The following KIF26B variants were observed in gnomAD, a reference collection of about 807,000 sequenced individuals.
KIF26B encodes the protein kinesin family member 26B, also known as kinesin-like protein KIF26B.
In KIF26B, 63 loss-of-function variants were observed where a neutral mutation model predicts 151.2. The ratio of observed to expected loss-of-function variants is 0.42; its 90% confidence interval spans 0.34 to 0.51. The LOEUF is 0.51. KIF26B is among the 20% of genes least tolerant of loss of function. KIF26B has a pLI of 0.07. For missense variants in KIF26B, 2,813 were observed against 2,913.6 expected, an observed-to-expected ratio of 0.97 and a Z score of 0.79; for synonymous variants, 1,357 against 1,262.1, an observed-to-expected ratio of 1.08 and a Z score of -1.59.
At chr1:245,643,968 T>C (rs940341788) in intron 9 of KIF26B, among the ~76,000 whole-genome samples, 10 of 152,188 alleles carry the variant, frequency 6.6e-5, no homozygotes, top group African/African-American at 2.4e-4. Flanking sequence ...TGATGTGCCT[T>C]GATATAGTTT....
At chr1:245,628,494 C>T (rs894275174) in intron 9 of KIF26B, among the ~76,000 whole-genome samples, 1 of 152,196 alleles carries the variant, frequency 6.6e-6, no homozygotes, top group Non-Finnish European at 1.5e-5. Context: ...ATCACATAAA[C>T]AGAACCAATG....
In KIF26B at chr1:245,398,736, T is replaced by C. The variant is rs980632251; in HGVS notation, c.1000-20843T>C. ...GTCCTCAAAAAATTATAAATTATAA[T>C]TTTTATAAAATGATAGAATTCTAAA... On this transcript the variant is annotated intron_variant, in intron 3 of 14. Transcript: ENST00000407071. Among the ~76,000 whole-genome samples, 6 of 151,692 alleles carry C rather than the reference T, an allele frequency of 4.0e-5. No individual in the cohort carries two copies. In the South Asian group the frequency reaches 6.2e-4, roughly 16 times the overall value.
intron 3 of KIF26B, among the ~76,000 whole-genome samples, chr1:245,400,470 C>A (rs1260108436): frequency 6.8e-6 from 1 of 147,556 alleles, no homozygotes; most frequent in Non-Finnish European, 1.5e-5. Flanking sequence ...GGGCATAAAA[C>A]AATCACATAG....
In KIF26B at chr1:245,515,235, CCTTT is replaced by C. The variant is rs573735080; in HGVS notation, c.1167-25528_1167-25525del. ...CGACGGGTCCTCCTCCTGGCTGGCT[CCTTT>C]CTTCTCTCCTTCTATGAGACTCCCC... On this transcript the variant is annotated intron_variant, in intron 4 of 14. Coordinates refer to ENST00000407071, the MANE Select transcript of KIF26B (RefSeq NM_018012.4). 4.4e-3 allele frequency among the ~76,000 whole-genome samples: 663 copies of C among 152,250 alleles called. 1 individual carries two copies. The highest frequency in any genetic ancestry group is 6.9e-3 in the Non-Finnish European group (466 of 68,010).
intron 9 of KIF26B, 148 bp downstream of exon 9, chr1:245,612,124 G>GAC: frequency 1.3e-6 from 1 of 783,286 alleles, no homozygotes; most frequent in Non-Finnish European, 2.0e-6. Flanking sequence ...GAGAGAGAGA[G>GAC]AGAGAGACAG....
chr1:245,265,051 A>C (rs980813352), intron 2 of KIF26B, among the ~76,000 whole-genome samples: 1 of 147,658 alleles, frequency 6.8e-6, no homozygotes, highest in African/African-American at 2.5e-5. Flanking sequence ...TACAAAAAAA[A>C]ATTAGCCAGG....
At chr1:245,180,018 T>G (rs1292033543) in intron 2 of KIF26B, among the ~76,000 whole-genome samples, 5 of 152,136 alleles carry the variant, frequency 3.3e-5, no homozygotes, top group Admixed American at 6.5e-5. Flanking sequence ...GATGAAGAAC[T>G]GTAAGAGGAC....
chr1:245,599,525 C>A (rs904871403), intron 5 of KIF26B, among the ~76,000 whole-genome samples: 1 of 152,328 alleles, frequency 6.6e-6, no homozygotes, highest in East Asian at 1.9e-4. Flanking sequence ...CTTGTCAGCC[C>A]TCGCCTGGCT....
chr1:245,249,433 G>T (rs1670397994), intron 2 of KIF26B, among the ~76,000 whole-genome samples: 1 of 150,584 alleles, frequency 6.6e-6, no homozygotes, highest in Admixed American at 6.6e-5. Flanking sequence ...CAGAATTCCT[G>T]TTTCACAACA....
chr1:245,378,766 G>C (rs1212522338), intron 3 of KIF26B, among the ~76,000 whole-genome samples: 1 of 152,128 alleles, frequency 6.6e-6, no homozygotes, highest in Non-Finnish European at 1.5e-5. Flanking sequence ...TGAGAGGTTG[G>C]GGTCATGCTG....
chr1:245,252,089 C>A (rs1053180853), intron 2 of KIF26B, among the ~76,000 whole-genome samples: 2 of 151,668 alleles, frequency 1.3e-5, no homozygotes, highest in African/African-American at 4.8e-5. Flanking sequence ...GTGGTAAAAA[C>A]CCGTCTCTGC....
chr1:245,497,659 T>C (rs1660540095), intron 4 of KIF26B, among the ~76,000 whole-genome samples: 1 of 152,196 alleles, frequency 6.6e-6, no homozygotes, highest in South Asian at 2.1e-4. Context: ...ATTCCTAAGG[T>C]ACTTCAAATA....
At chr1:245,258,150 C>A (rs1670574197) in intron 2 of KIF26B, among the ~76,000 whole-genome samples, 1 of 152,178 alleles carries the variant, frequency 6.6e-6, no homozygotes, top group African/African-American at 2.4e-5. Context: ...CTGAGTTTGT[C>A]ATCACCTTGC....
chr1:245,677,861 CACTT>C (rs1451545176), intron 10 of KIF26B, among the ~76,000 whole-genome samples: 97 of 152,352 alleles, frequency 6.4e-4, no homozygotes, highest in Admixed American at 5.0e-3. Context: ...ATAATAAAGA[CACTT>C]ACTTGAGACC....
intron 9 of KIF26B, among the ~76,000 whole-genome samples, chr1:245,623,703 G>T (rs909909695): frequency 4.6e-5 from 7 of 152,136 alleles, no homozygotes; most frequent in African/African-American, 1.7e-4. Context: ...CAAAAATATT[G>T]TCTAAGATTA....
intron 4 of KIF26B, among the ~76,000 whole-genome samples, chr1:245,447,945 G>A (rs935820373): frequency 4.6e-5 from 7 of 152,302 alleles, no homozygotes; most frequent in East Asian, 1.9e-4. Context: ...CTGTGACACC[G>A]CCTCTTTAAT....
At chr1:245,226,609 A>C (rs150403698) in intron 2 of KIF26B, among the ~76,000 whole-genome samples, 1 of 151,890 alleles carries the variant, frequency 6.6e-6, no homozygotes, top group Non-Finnish European at 1.5e-5. Flanking sequence ...GATTACAGGC[A>C]TGCACCACCA....
At chr1:245,664,431 A>G (rs1449559286) in intron 10 of KIF26B, among the ~76,000 whole-genome samples, 1 of 151,550 alleles carries the variant, frequency 6.6e-6, no homozygotes, top group African/African-American at 2.4e-5. Context: ...AGCCTATCAT[A>G]TTGCTCCTTT....
intron 3 of KIF26B, among the ~76,000 whole-genome samples, chr1:245,371,873 C>T (rs988481009): frequency 6.6e-6 from 1 of 152,140 alleles, no homozygotes; most frequent in African/African-American, 2.4e-5. Context: ...AAATGTTGAA[C>T]AAACCACAAA....
Sources: gnomAD v4.1 joint callset for allele counts (sites outside exome capture counted in the v4.1 genomes callset) on GRCh38, gnomAD v4.1.1 for gene constraint, MANE v1.5 for transcripts, NCBI Gene and HGNC (gene_info 2026-07-23, HGNC 2026-07-21) for gene names.